LMLN: variants seen among roughly 807,000 people sequenced by gnomAD.
The protein encoded by LMLN is leishmanolysin-like peptidase.
LMLN carries 70 observed loss-of-function variants against 92.3 expected under a neutral mutation model. That is an observed-to-expected ratio of 0.76 (90% confidence interval 0.63 to 0.92). The LOEUF is 0.92. Among genes scored for constraint, LMLN ranks in the 40% least tolerant of loss-of-function variants. LMLN has a pLI of 0.00. For synonymous variants in LMLN, 308 were observed against 296.2 expected (o/e 1.04, Z -0.41); for missense variants, 691 against 814.6 (o/e 0.85, Z 1.85).
At chr3:198,016,434 G>GA (rs964930455) in intron 11 of LMLN, among the ~76,000 whole-genome samples, 2 of 152,184 alleles carry the variant, frequency 1.3e-5, no homozygotes, top group African/African-American at 2.4e-5. Context: ...TGCTGCTTAT[G>GA]AAAATCGTCT....
intron 11 of LMLN, among the ~76,000 whole-genome samples, chr3:198,015,651 T>A (rs992820320): frequency 9.6e-5 from 14 of 146,230 alleles, no homozygotes; most frequent in Non-Finnish European, 1.4e-4. Context: ...CTCTCCACCC[T>A]TCAGAGCCCC....
rs558622800 is a variant in LMLN, at chr3:197,975,932, A to G, written c.349-97A>G. On this transcript the variant is annotated intron_variant, in intron 3 of 15. Transcript: ENST00000330198. ...CTAATATCTGTATTCCAGAATTATA[A>G]AGCTTTTTTTCATTACTATCCTGTG... is the stretch of plus-strand genomic sequence containing the variant. 56 of 710,310 alleles carry G rather than the reference A, an allele frequency of 7.9e-5. No individual in the cohort carries two copies. In the East Asian group the frequency reaches 1.6e-3, roughly 20 times the overall value. 44.0% of individuals were successfully genotyped at this position (710,310 alleles called of 1,614,324 possible).
intron 1 of LMLN, among the ~76,000 whole-genome samples, chr3:197,965,875 A>C (rs571906969): frequency 6.2e-4 from 94 of 152,300 alleles, no homozygotes; most frequent in South Asian, 1.7e-3. Context: ...GGTTGGCACC[A>C]CTGTGTTCTA....
At chr3:197,974,581 C>A in intron 2 of LMLN, 107 bp downstream of exon 2, 1 of 584,746 alleles carries the variant, frequency 1.7e-6, no homozygotes, top group African/African-American at 2.0e-5. Flanking sequence ...AACTTAAGGA[C>A]TAGTGTAGCT....
chr3:197,983,701 A>G (rs1439538848), intron 6 of LMLN, among the ~76,000 whole-genome samples: 1 of 151,896 alleles, frequency 6.6e-6, no homozygotes, highest in Non-Finnish European at 1.5e-5. Context: ...TTATATTGAT[A>G]TATTTCAAAA....
At chr3:197,972,929 T>C (rs1272866614) in intron 1 of LMLN, among the ~76,000 whole-genome samples, 1 of 152,164 alleles carries the variant, frequency 6.6e-6, no homozygotes, top group African/African-American at 2.4e-5. Flanking sequence ...CCTCTCTAAC[T>C]TCTAATTTTC....
At chr3:198,038,178 C>T (rs1723288068) in intron 15 of LMLN, 2 of 193,294 alleles carry the variant, frequency 1.0e-5, no homozygotes, top group African/African-American at 4.7e-5. Context: ...CCCTTGCATT[C>T]TCAAAATGTA....
chr3:197,976,649 C>A lies in LMLN; in HGVS notation c.483C>A (p.Tyr161Ter), dbSNP rs758904229. Residue 161 changes from tyrosine (Y) to a stop codon, truncating the protein, a stop_gained, in exon 5 of 16, where the codon TAC (tyrosine) becomes TAA (stop). Transcript: ENST00000330198. LOFTEE classifies it high-confidence loss of function. ...GGAAGGAAAACGATCCTCACAGGTA[C>A]TGCACCGGGGAGTGTGCCGCACACA... 17 of 1,600,856 alleles carry A rather than the reference C, an allele frequency of 1.1e-5. No homozygotes were observed. Among genetic ancestry groups the A allele is most frequent in the Non-Finnish European group, 1.5e-5 (17 of 1,171,320 alleles).
At chr3:198,038,112 C>T (rs562292013) in intron 15 of LMLN, among the ~76,000 whole-genome samples, 2 of 152,016 alleles carry the variant, frequency 1.3e-5, no homozygotes, top group South Asian at 2.1e-4. Context: ...TATTGATGGT[C>T]CTCTCCCTTG....
chr3:198,027,839 G>C (rs1722976687), intron 14 of LMLN, among the ~76,000 whole-genome samples: 1 of 152,138 alleles, frequency 6.6e-6, no homozygotes, highest in Non-Finnish European at 1.5e-5. Flanking sequence ...CCGCGTATCT[G>C]TCTGAGTCCC....
chr3:198,008,325 G>T (rs1262248821), intron 11 of LMLN, among the ~76,000 whole-genome samples: 2 of 152,052 alleles, frequency 1.3e-5, no homozygotes, highest in African/African-American at 4.8e-5. Context: ...CAGTAAGAGA[G>T]ATTTAAAAAA....
chr3:198,003,523 A>G (rs374714111), intron 11 of LMLN, among the ~76,000 whole-genome samples: 1 of 152,192 alleles, frequency 6.6e-6, no homozygotes, highest in Non-Finnish European at 1.5e-5. Context: ...CCAAATCCAG[A>G]TGCATATTAT....
At chr3:198,023,299 C>G (rs1213777383) in intron 13 of LMLN, among the ~76,000 whole-genome samples, 6 of 152,088 alleles carry the variant, frequency 3.9e-5, no homozygotes, top group Admixed American at 6.6e-5. Flanking sequence ...AAGTGATTCT[C>G]CTGCCTCAGA....
intron 1 of LMLN, among the ~76,000 whole-genome samples, chr3:197,963,395 A>T (rs181666806): frequency 2.0e-3 from 302 of 152,098 alleles, no homozygotes; most frequent in African/African-American, 7.1e-3. Context: ...GTTGAGACAG[A>T]GTCCAGGTGG....
At chr3:198,028,526 A>G (rs2109948324) in intron 14 of LMLN, among the ~76,000 whole-genome samples, 1 of 152,376 alleles carries the variant, frequency 6.6e-6, no homozygotes, top group Admixed American at 6.5e-5. Context: ...TCTGTACAAA[A>G]GAGACCTTTA....
At chr3:197,989,456 T>A (rs1297330581) in intron 8 of LMLN, among the ~76,000 whole-genome samples, 4 of 152,240 alleles carry the variant, frequency 2.6e-5, no homozygotes, top group Non-Finnish European at 5.9e-5. Flanking sequence ...TTTTTCTAAA[T>A]GGATAATCAG....
intron 1 of LMLN, among the ~76,000 whole-genome samples, chr3:197,972,117 G>T (rs574843863): frequency 6.6e-6 from 1 of 151,112 alleles, no homozygotes; most frequent in South Asian, 2.1e-4. Flanking sequence ...CAGGCTGTAG[G>T]GTGATGGTGC....
intron 1 of LMLN, among the ~76,000 whole-genome samples, chr3:197,971,072 G>A (rs950604173): frequency 2.0e-5 from 3 of 152,066 alleles, no homozygotes; most frequent in African/African-American, 7.2e-5. Flanking sequence ...GCCCTTTCCT[G>A]TTTATTTCAT....
intron 14 of LMLN, among the ~76,000 whole-genome samples, chr3:198,027,816 C>T (rs1186545367): frequency 7.9e-5 from 12 of 152,132 alleles, no homozygotes; most frequent in South Asian, 2.1e-4. Context: ...CTTGCTGCAG[C>T]GAACACTGGC....
Sources: allele counts gnomAD v4.1 joint callset (sites outside exome capture counted in the v4.1 genomes callset), GRCh38; gene constraint gnomAD v4.1.1; transcripts MANE v1.5; gene names NCBI Gene and HGNC (gene_info 2026-07-23, HGNC 2026-07-21).